UBN2: variants seen among roughly 807,000 people sequenced by gnomAD.
UBN2 encodes the protein ubinuclein 2.
UBN2 carries 35 observed loss-of-function variants against 120.2 expected under a neutral mutation model. That is an observed-to-expected ratio of 0.29 (90% confidence interval 0.22 to 0.39). The LOEUF is 0.39. Among genes scored for constraint, UBN2 ranks in the 10% least tolerant of loss-of-function variants. UBN2 has a pLI of 1.00. For missense variants in UBN2, 1,693 were observed against 1,663.2 expected, an observed-to-expected ratio of 1.02 and a Z score of -0.31; for synonymous variants, 661 against 648.7, an observed-to-expected ratio of 1.02 and a Z score of -0.29.
intron 3 of UBN2, among the ~76,000 whole-genome samples, chr7:139,254,087 A>G (rs1796692676): frequency 6.6e-6 from 1 of 152,224 alleles, no homozygotes; most frequent in African/African-American, 2.4e-5. Context: ...AGGTCAGGAG[A>G]TCGAGACCAT....
At chr7:139,257,823 C>T (rs191970489) in intron 3 of UBN2, among the ~76,000 whole-genome samples, 4 of 151,892 alleles carry the variant, frequency 2.6e-5, no homozygotes, top group Admixed American at 6.6e-5. Flanking sequence ...TTTTTTAGAC[C>T]GAGTTTCACT....
chr7:139,250,727 C>T (rs1364097126), intron 2 of UBN2, among the ~76,000 whole-genome samples: 1 of 152,072 alleles, frequency 6.6e-6, no homozygotes, highest in Non-Finnish European at 1.5e-5. Context: ...GATCTTAACT[C>T]AGATTTCACG....
At chr7:139,326,228 C>T in the UBN2 span, among the ~76,000 whole-genome samples, 2 of 152,124 alleles carry the variant, frequency 1.3e-5, no homozygotes, top group Non-Finnish European at 2.9e-5. Context: ...TGCACTCCAG[C>T]GTGGGCAACA....
intron 3 of UBN2, among the ~76,000 whole-genome samples, chr7:139,252,318 G>T (rs757170341): frequency 6.6e-6 from 1 of 150,594 alleles, no homozygotes; most frequent in Non-Finnish European, 1.5e-5. Flanking sequence ...ACTTTTTTCT[G>T]TAAAAGGCCA....
intron 15 of UBN2, among the ~76,000 whole-genome samples, chr7:139,285,028 C>A (rs1046460337): frequency 1.1e-4 from 17 of 152,080 alleles, no homozygotes; most frequent in Admixed American, 2.6e-4. Flanking sequence ...CAAATTTATA[C>A]ATTCATGTTA....
the UBN2 span, among the ~76,000 whole-genome samples, chr7:139,318,117 G>A: frequency 6.6e-6 from 1 of 152,080 alleles, no homozygotes; most frequent in African/African-American, 2.4e-5. Flanking sequence ...GATCTGTCTT[G>A]TTCCATTCCG....
intron 5 of UBN2, 94 bp from the exon 6 acceptor site, chr7:139,261,158 C>A: frequency 7.1e-7 from 1 of 1,411,198 alleles, no homozygotes; most frequent in Non-Finnish European, 9.5e-7. Flanking sequence ...TGTCACCTGT[C>A]AAATTATTAT....
rs1797697771 is a variant in UBN2, at chr7:139,284,032, C to G, written c.3127C>G (p.Pro1043Ala). The G allele has an allele frequency of 6.2e-7, 1 of 1,613,996 alleles. No homozygotes were observed. Among genetic ancestry groups the G allele is most frequent in the African/African-American group, 1.3e-5 (1 of 74,884 alleles). The change falls in exon 15 of 18, where the codon CCC becomes GCC. Residue 1043 changes from proline (P) to alanine (A), a missense_variant. By Grantham distance (27) the Pro-to-Ala change is conservative (BLOSUM62 -1). This residue lies in a region of UBN2 where 837 missense variants were observed against 817.6 expected (regional missense o/e 1.02). Transcript: ENST00000473989. ...TGCCTCCCCAAAACTTGCCGCATCT[C>G]CCAAGCCTGCCACATCTCCTAAACC... ...MAASPKLAAS[P>A]KPATSPKPLP...
chr7:139,273,920 A>G lies in UBN2; in HGVS notation c.1830-11A>G. 1 of 1,565,202 alleles carries G rather than the reference A, an allele frequency of 6.4e-7. No individual in the cohort carries two copies. Among genetic ancestry groups the G allele is most frequent in the African/African-American group, 1.4e-5 (1 of 72,128 alleles). ...AAAAAAAGTTTCAAATTTAATTTTC[A>G]ATCTGTTTAGAACTTTGTTATGTAA... On this transcript the variant is annotated splice_polypyrimidine_tract_variant and intron_variant, in intron 10 of 17. Coordinates refer to ENST00000473989, the MANE Select transcript of UBN2 (RefSeq NM_173569.4).
At chr7:139,242,905 T>G (rs1796361298) in intron 2 of UBN2, among the ~76,000 whole-genome samples, 1 of 152,200 alleles carries the variant, frequency 6.6e-6, no homozygotes, top group Non-Finnish European at 1.5e-5. Flanking sequence ...TGTAAAGAGA[T>G]AAGGTGGCAG....
chr7:139,231,656 G>A lies in UBN2; in HGVS notation c.172G>A (p.Ala58Thr). ...GGAGCCGCCGGCCCCGCGGGAGCCT[G>A]CCCCCCGCTCGGACGCGCAGCCCCC... ...RAEPPAPREP[A>T]PRSDAQPPSR... The change falls in exon 1 of 18, where the codon GCC becomes ACC. Residue 58 changes from alanine (A) to threonine (T), a missense_variant. Physicochemically the swap from Ala to Thr is moderately conservative, Grantham distance 58. Around this residue, in one of 5 missense-constraint regions of UBN2, gnomAD observed 663 missense variants for 591.2 expected, o/e 1.12. Transcript: ENST00000473989. 1 of 1,204,028 alleles carries A rather than the reference G, an allele frequency of 8.3e-7. No homozygotes were observed. The highest frequency in any genetic ancestry group is 1.0e-6 in the Non-Finnish European group (1 of 972,766). 74.6% of individuals were successfully genotyped at this position (1,204,028 alleles called of 1,614,324 possible). A position where few individuals can be genotyped will look rare whatever the true frequency, so the allele number is the denominator to read the frequency against.
At chr7:139,275,810 C>CA (rs1421909732) in intron 11 of UBN2, among the ~76,000 whole-genome samples, 2 of 151,690 alleles carry the variant, frequency 1.3e-5, no homozygotes, top group Non-Finnish European at 2.9e-5. Context: ...CCTGACTCTG[C>CA]AAAAAGTTTT....
At position 139,231,299 on chromosome 7, in the gene UBN2, A is replaced by G. The variant is rs966471541; in HGVS notation, c.-186A>G. On this transcript the variant is annotated 5_prime_UTR_variant, in exon 1 of 18. Transcript: ENST00000473989. ...GCGGCGACCCTGGCGATGGCGGTGA[A>G]GCCCATCAGAACGTAGTAGCGGGGA... Among the ~76,000 whole-genome samples, 4 of 152,244 alleles carry G rather than the reference A, an allele frequency of 2.6e-5. No individual in the cohort carries two copies. The highest frequency in any genetic ancestry group is 5.9e-5 in the Non-Finnish European group (4 of 68,042).
rs1403119554 is a variant in UBN2 at position 139,283,084 on chromosome 7, C to T, written c.2179C>T (p.Pro727Ser). The T allele has an allele frequency of 6.2e-7, 1 of 1,613,018 alleles. No homozygotes were observed. The highest frequency in any genetic ancestry group is 1.1e-5 in the South Asian group (1 of 90,964). The change falls in exon 15 of 18, where the codon CCT (proline) becomes TCT (serine). Residue 727 changes from proline to serine, a missense_variant. Physicochemically the swap from Pro to Ser is moderately conservative, Grantham distance 74 (BLOSUM62 -1). Coordinates refer to ENST00000473989, the MANE Select transcript of UBN2 (RefSeq NM_173569.4). ...ATCCCTGGTGGCTTCGGTTAGCGGTCCTCCAACGAGCTCCAGCACAGCTGC... is the reference window on the plus strand; with the variant it reads ...ATCCCTGGTGGCTTCGGTTAGCGGTTCTCCAACGAGCTCCAGCACAGCTGC... ...PTSLVASVSGPPTSSSTAAIA... is the reference protein window; with the variant it reads ...PTSLVASVSGSPTSSSTAAIA...
chr7:139,291,099 G>A (rs750839887), intron 15 of UBN2, among the ~76,000 whole-genome samples: 39 of 152,012 alleles, frequency 2.6e-4, no homozygotes, highest in Non-Finnish European at 3.8e-4. Flanking sequence ...GGTGGCTCAC[G>A]CATGTAATCC....
At chr7:139,260,755 T>C (rs1796904846) in intron 5 of UBN2, among the ~76,000 whole-genome samples, 1 of 152,244 alleles carries the variant, frequency 6.6e-6, no homozygotes, top group African/African-American at 2.4e-5. Context: ...AGTAGACTTC[T>C]TTGGGAATGT....
intron 2 of UBN2, among the ~76,000 whole-genome samples, chr7:139,243,700 A>T (rs1235926011): frequency 6.6e-6 from 1 of 152,208 alleles, no homozygotes; most frequent in Non-Finnish European, 1.5e-5. Context: ...CAGGAAGGCC[A>T]CAAGTGAGGA....
chr7:139,293,596 T>A, intron 16 of UBN2, 133 bp downstream of exon 16: 1 of 786,864 alleles, frequency 1.3e-6, no homozygotes, highest in South Asian at 2.0e-5. Flanking sequence ...TTTTAAGAAA[T>A]GCAGTTTATA....
Position 139,303,761 on chromosome 7 carries a change from A to G in UBN2, c.*5925A>G, listed in dbSNP as rs1798311002. ...AAGCACCCTATGGTTTTTAAATTTA[A>G]AAAAATCACTGGAATTTTAATTTAG... On this transcript the variant is annotated 3_prime_UTR_variant, in exon 18 of 18. Transcript: ENST00000473989. The G allele has an allele frequency of 6.6e-6, 1 of 152,208 alleles. No individual in the cohort carries two copies. Among genetic ancestry groups the G allele is most frequent in the Admixed American group, 6.5e-5 (1 of 15,288 alleles). The allele number at this position is 152,208 out of a possible 1,614,324, so 9.4% of individuals were successfully genotyped here.
Sources: gnomAD v4.1 joint callset for allele counts (sites outside exome capture counted in the v4.1 genomes callset) on GRCh38, gnomAD v4.1.1 for gene constraint, gnomAD v4.1.1 regional missense constraint, MANE v1.5 for transcripts, NCBI Gene and HGNC (gene_info 2026-07-23, HGNC 2026-07-21) for gene names.